The following TEX10 variants were observed in gnomAD, a reference collection of about 807,000 sequenced individuals.
TEX10 encodes testis-expressed protein 10.
A neutral mutation model predicts 104.4 loss-of-function variants in TEX10; 24 were observed. The observed-to-expected ratio is 0.23, with a 90% CI of 0.17 to 0.32. The LOEUF is 0.32. TEX10 is among the 10% of genes least tolerant of loss of function. The pLI, the probability that TEX10 is intolerant of heterozygous loss-of-function variation, is 1.00. For missense variants in TEX10, 921 were observed against 1,083.9 expected (o/e 0.85, Z 2.11); for synonymous variants, 396 against 393.4 (o/e 1.01, Z -0.08).
intron 5 of TEX10, among the ~76,000 whole-genome samples, chr9:100,333,636 T>TAAAAAAAAAAAAAAAAAACACAAA (rs1834930872): frequency 9.1e-6 from 1 of 109,762 alleles, no homozygotes; most frequent in Non-Finnish European, 2.0e-5. Flanking sequence ...GACCCCATCA[T>TAAAAAAAAAAAAAAAAAACACAAA]AAAAAAAAAA....
At chr9:100,346,400 T>A in intron 3 of TEX10, 85 bp from the exon 4 acceptor site, 11 of 1,417,788 alleles carry the variant, frequency 7.8e-6, no homozygotes, top group Non-Finnish European at 1.0e-5. Flanking sequence ...TATAAAGTAC[T>A]AGTAAAATGA....
intron 13 of TEX10, 25 bp from the exon 14 acceptor site, chr9:100,303,867 G>A (rs1455424634): frequency 1.2e-6 from 2 of 1,610,666 alleles, no homozygotes; most frequent in Non-Finnish European, 1.7e-6. Context: ...ACAGAAATGA[G>A]TCAGTGAGCA....
intron 5 of TEX10, among the ~76,000 whole-genome samples, chr9:100,334,994 G>A (rs181417397): frequency 6.6e-6 from 1 of 152,176 alleles, no homozygotes; most frequent in African/African-American, 2.4e-5. Flanking sequence ...GTGAAAACAT[G>A]TGCCAAACAC....
chr9:100,322,497 T>C (rs1056858292), intron 9 of TEX10, among the ~76,000 whole-genome samples: 7 of 152,196 alleles, frequency 4.6e-5, no homozygotes, highest in Non-Finnish European at 7.4e-5. Context: ...GACAAACTTA[T>C]ACTAAAAATT....
intron 9 of TEX10, among the ~76,000 whole-genome samples, chr9:100,323,749 T>C (rs561438599): frequency 4.6e-5 from 7 of 152,288 alleles, no homozygotes; most frequent in African/African-American, 1.7e-4. Flanking sequence ...AATGCTTTAA[T>C]AGAGACAGCA....
At chr9:100,350,539 A>C (rs768445045) in intron 1 of TEX10, among the ~76,000 whole-genome samples, 32 of 152,192 alleles carry the variant, frequency 2.1e-4, no homozygotes, top group Non-Finnish European at 3.4e-4. Context: ...TTCTTCTTGA[A>C]GCCTTTTCCA....
intron 7 of TEX10, among the ~76,000 whole-genome samples, chr9:100,328,230 T>C (rs185612210): frequency 6.6e-6 from 1 of 152,362 alleles, no homozygotes; most frequent in Admixed American, 6.5e-5. Flanking sequence ...CTATTTATCC[T>C]AATCGGTGTT....
At chr9:100,352,623 T>A in intron 1 of TEX10, 149 bp downstream of exon 1, 1 of 1,467,088 alleles carries the variant, frequency 6.8e-7, no homozygotes, top group Non-Finnish European at 9.0e-7. Context: ...CAGGCCCAGC[T>A]CGGAGGGACG....
chr9:100,304,025 G>C (rs1834083667), intron 13 of TEX10, 183 bp from the exon 14 acceptor site: 1 of 607,912 alleles, frequency 1.6e-6, no homozygotes. Flanking sequence ...TAAATACCTA[G>C]GAATACATCT....
chr9:100,340,355 T>C lies in TEX10; in HGVS notation c.1152A>G (p.Arg384=). The change falls in exon 5 of 15, where the codon CGA becomes CGG. Residue 384 remains arginine, a synonymous_variant. Transcript: ENST00000374902. ...GTTTAAAATCAATAAGGTAGTTCTTTCGAAGCCATGACTCCTATTGAAATA... is the reference window on the plus strand; with the variant it reads ...GTTTAAAATCAATAAGGTAGTTCTTCCGAAGCCATGACTCCTATTGAAATA... ...DETHKLESWL[R]KNYLIDFKHH... The C allele has an allele frequency of 2.6e-6, 4 of 1,560,368 alleles. No homozygotes were observed. Among genetic ancestry groups the C allele is most frequent in the African/African-American group, 1.4e-5 (1 of 71,328 alleles).
At chr9:100,339,836 T>C (rs1225299381) in intron 5 of TEX10, among the ~76,000 whole-genome samples, 1 of 152,064 alleles carries the variant, frequency 6.6e-6, no homozygotes, top group Non-Finnish European at 1.5e-5. Flanking sequence ...TTTCTCCAAT[T>C]ACCCTCCTTC....
At chr9:100,347,696 T>C (rs967759198) in intron 2 of TEX10, among the ~76,000 whole-genome samples, 1 of 152,202 alleles carries the variant, frequency 6.6e-6, no homozygotes, top group African/African-American at 2.4e-5. Context: ...CCATCATTTA[T>C]TGAAAACCTA....
intron 12 of TEX10, among the ~76,000 whole-genome samples, chr9:100,309,503 C>A (rs1432743831): frequency 6.6e-6 from 1 of 152,030 alleles, no homozygotes; most frequent in African/African-American, 2.4e-5. Context: ...GAGTCTAATT[C>A]TCTGGAGTGG....
At chr9:100,317,539 G>C (rs775561204) in intron 11 of TEX10, among the ~76,000 whole-genome samples, 1 of 151,954 alleles carries the variant, frequency 6.6e-6, no homozygotes, top group Non-Finnish European at 1.5e-5. Context: ...AAAATAATAA[G>C]AATCTACAGA....
Position 100,346,924 on chromosome 9 carries a change from C to G in TEX10, c.663G>C (p.Gln221His). 6.2e-7 allele frequency: 1 copy of G among 1,614,200 alleles called. No homozygotes were observed. Among genetic ancestry groups the G allele is most frequent in the East Asian group, 2.2e-5 (1 of 44,886 alleles). ...SVNPNRRLTS[Q>H]QWRLKVLVRL... is the part of the protein sequence containing the mutation. ...TCACTAAGACTTTCAGCCTCCATTG[C>G]TGAGAAGTGAGTCTCCGATTAGGAT... Residue 221 changes from glutamine to histidine, a missense_variant, in exon 3 of 15, where the codon CAG becomes CAC. Around this residue, in one of 3 missense-constraint regions of TEX10, gnomAD observed 753 missense variants for 868.4 expected, o/e 0.87. Coordinates refer to ENST00000374902, the MANE Select transcript of TEX10 (RefSeq NM_017746.4).
chr9:100,312,660 C>G (rs538218653), intron 11 of TEX10, among the ~76,000 whole-genome samples: 1 of 152,262 alleles, frequency 6.6e-6, no homozygotes, highest in South Asian at 2.1e-4. Context: ...TCTCCTCTTT[C>G]ACAAATAGGA....
At chr9:100,327,560 A>G (rs1353421633) in intron 8 of TEX10, among the ~76,000 whole-genome samples, 3 of 152,058 alleles carry the variant, frequency 2.0e-5, no homozygotes, top group African/African-American at 7.2e-5. Context: ...AAGTGGTTTG[A>G]AAGACAATTT....
chr9:100,314,725 T>C (rs1834371701), intron 11 of TEX10, among the ~76,000 whole-genome samples: 1 of 152,240 alleles, frequency 6.6e-6, no homozygotes, highest in Non-Finnish European at 1.5e-5. Flanking sequence ...AGTTCTGCTC[T>C]AATCTTTGTT....
chr9:100,321,854 T>A, intron 9 of TEX10, 83 bp from the exon 10 acceptor site: 4 of 969,914 alleles, frequency 4.1e-6, no homozygotes, highest in Non-Finnish European at 6.2e-6. Flanking sequence ...ATAACCATTG[T>A]TCTTTACTGA....
Sources: gnomAD v4.1 joint callset for allele counts (sites outside exome capture counted in the v4.1 genomes callset) on GRCh38, gnomAD v4.1.1 for gene constraint, gnomAD v4.1.1 regional missense constraint, MANE v1.5 for transcripts, NCBI Gene and HGNC (gene_info 2026-07-23, HGNC 2026-07-21) for gene names.